The following SGSM3 variants were observed in gnomAD, a reference collection of about 807,000 sequenced individuals.
SGSM3 encodes the protein RUN and SH3 containing 3.
A neutral mutation model predicts 100.5 loss-of-function variants in SGSM3; 96 were observed. That is an observed-to-expected ratio of 0.96 (90% confidence interval 0.81 to 1.13). The LOEUF is 1.13. SGSM3 is among the 50% of genes most tolerant of loss of function. The pLI, the probability that SGSM3 is intolerant of heterozygous loss-of-function variation, is 0.00. For synonymous variants in SGSM3, 483 were observed against 422.8 expected, an observed-to-expected ratio of 1.14 and a Z score of -1.75; for missense variants, 1,001 against 1,015.8, an observed-to-expected ratio of 0.99 and a Z score of 0.20.
intron 1 of SGSM3, chr22:40,387,580 A>G (rs1335596089): frequency 5.6e-6 from 1 of 180,078 alleles, no homozygotes; most frequent in African/African-American, 2.3e-5. Context: ...TATTTTCCTC[A>G]AAAACTCTTG....
At position 40,405,224 on chromosome 22, in the gene SGSM3, G is replaced by A. The variant is rs372160917; in HGVS notation, c.558G>A (p.Arg186=). The change falls in exon 7 of 22, where the codon AGG becomes AGA. Residue 186 remains arginine (R), a synonymous_variant. Transcript: ENST00000248929. ...MGSIGVPRLR[R]VLRALAWLYP... ...GCATCGGGGTGCCCCGCCTGCGCAG[G>A]GTGCTCCGGGCCCTGGCCTGGCTCT... 1.6e-4 allele frequency: 255 copies of A among 1,579,894 alleles called. No homozygotes were observed. Among genetic ancestry groups the A allele is most frequent in the Non-Finnish European group, 2.1e-4 (246 of 1,162,344 alleles).
intron 1 of SGSM3, among the ~76,000 whole-genome samples, chr22:40,371,175 G>T (rs2045386743): frequency 6.6e-6 from 1 of 152,200 alleles, no homozygotes; most frequent in Non-Finnish European, 1.5e-5. Flanking sequence ...TCGGAACACC[G>T]GTGTGTTTGC....
intron 15 of SGSM3, 44 bp from the exon 16 acceptor site, chr22:40,408,233 G>A (rs1306030734): frequency 3.1e-6 from 5 of 1,609,008 alleles, no homozygotes; most frequent in African/African-American, 1.3e-5. Flanking sequence ...GTGACTGGCT[G>A]CAGGCGTCAG....
chr22:40,403,107 G>A (rs2050969598), intron 4 of SGSM3, among the ~76,000 whole-genome samples: 1 of 152,262 alleles, frequency 6.6e-6, no homozygotes, highest in African/African-American at 2.4e-5. Flanking sequence ...GGTCAGTGGA[G>A]TCAGAGTGTT....
chr22:40,394,546 T>C (rs1212796467), intron 1 of SGSM3, among the ~76,000 whole-genome samples: 3 of 150,418 alleles, frequency 2.0e-5, no homozygotes, highest in East Asian at 3.9e-4. Flanking sequence ...CTTGGGAGGC[T>C]GAGGCAGGAA....
Position 40,395,721 on chromosome 22 carries a change from A to C in SGSM3, c.-111-4975A>C, listed in dbSNP as rs146467511. On this transcript the variant is annotated intron_variant, in intron 1 of 21. Transcript: ENST00000248929. ...GAAATGGCATCATCATAAGCCCAGG[A>C]GTACAGACTGGAAACCTAGGCCTTG... Among the ~76,000 whole-genome samples, 26 of 152,292 alleles carry C rather than the reference A, an allele frequency of 1.7e-4. No homozygotes were observed. In the East Asian group the frequency reaches 3.7e-3, roughly 21 times the overall value.
Position 40,407,636 on chromosome 22 carries a change from C to G in SGSM3, c.1524+68C>G. On this transcript the variant is annotated intron_variant, in intron 13 of 21. Coordinates refer to ENST00000248929, the MANE Select transcript of SGSM3 (RefSeq NM_015705.6). The surrounding 1 kb of genome is among the most constrained non-coding windows in gnomAD (Gnocchi z 4.7). The stretch of plus-strand genomic sequence containing the variant: ...GGTTCCCCAGACTCCCTCCACCAAG[C>G]CCCACCCCAACCCCTTTCCCTGCCA... The G allele has an allele frequency of 6.3e-7, 1 of 1,578,492 alleles. No individual in the cohort carries two copies. Among genetic ancestry groups the G allele is most frequent in the East Asian group, 2.3e-5 (1 of 44,274 alleles).
Position 40,407,472 on chromosome 22 carries a change from G to A in SGSM3, c.1428G>A (p.Ala476=), listed in dbSNP as rs144704559. 96 of 1,612,144 alleles carry A rather than the reference G, an allele frequency of 6.0e-5. No individual in the cohort carries two copies. Among genetic ancestry groups the A allele is most frequent in the Middle Eastern group, 4.9e-4 (3 of 6,062 alleles). ...SHQRDHENYV[A]CSRSHRRRAK... ...AGCGGGACCACGAGAACTACGTGGCGTGCTCACGCAGCCACCGGCGCCGAG... is the reference window on the plus strand; with the variant it reads ...AGCGGGACCACGAGAACTACGTGGCATGCTCACGCAGCCACCGGCGCCGAG... The change falls in exon 13 of 22, where the codon GCG becomes GCA. Residue 476 remains alanine, a synonymous_variant. Coordinates refer to ENST00000248929, the MANE Select transcript of SGSM3 (RefSeq NM_015705.6). This position sits in a 1 kb window ranked among gnomAD's most constrained non-coding sequence, Gnocchi z 4.7.
At chr22:40,405,533 C>T (rs896537149) in intron 7 of SGSM3, 116 bp from the exon 8 acceptor site, 30 of 1,013,174 alleles carry the variant, frequency 3.0e-5, no homozygotes, top group African/African-American at 8.1e-5. Flanking sequence ...GGCCTGGGTT[C>T]CAGCATGCGT....
chr22:40,405,525 C>A, intron 7 of SGSM3, 124 bp from the exon 8 acceptor site: 1 of 972,816 alleles, frequency 1.0e-6, no homozygotes, highest in Non-Finnish European at 1.5e-6. Context: ...CCAGGGAAGG[C>A]CTGGGTTCCA....
chr22:40,404,168 C>A, intron 4 of SGSM3, 79 bp from the exon 5 acceptor site: 1 of 1,263,762 alleles, frequency 7.9e-7, no homozygotes, highest in Non-Finnish European at 1.1e-6. Context: ...TCAGACCCTC[C>A]TGAAGACGGA....
chr22:40,395,573 C>T (rs754224280), intron 1 of SGSM3, among the ~76,000 whole-genome samples: 2 of 152,156 alleles, frequency 1.3e-5, no homozygotes, highest in Non-Finnish European at 2.9e-5. Context: ...CTGCCCATCT[C>T]GGGCTCCCAA....
At chr22:40,371,624 A>T (rs1375169143) in intron 1 of SGSM3, among the ~76,000 whole-genome samples, 5 of 151,684 alleles carry the variant, frequency 3.3e-5, no homozygotes, top group Admixed American at 1.3e-4. Flanking sequence ...CTGCACTCTA[A>T]ACAGTTGAAT....
Position 40,407,757 on chromosome 22 carries a change from C to G in SGSM3, c.1525-32C>G, listed in dbSNP as rs750418914. The G allele has an allele frequency of 2.5e-6, 4 of 1,613,448 alleles. No homozygotes were observed. In the African/African-American group the frequency reaches 5.3e-5, roughly 22 times the overall value. ...GGAGGCGCTGGCCCAGGGCACCCAG[C>G]TTTGGTTCCTGCTGTTTTTCCTCCT... On this transcript the variant is annotated intron_variant, in intron 13 of 21. Transcript: ENST00000248929. The surrounding 1 kb of genome is among the most constrained non-coding windows in gnomAD (Gnocchi z 4.7).
chr22:40,403,330 G>A (rs1045697876), intron 4 of SGSM3, among the ~76,000 whole-genome samples: 1 of 152,182 alleles, frequency 6.6e-6, no homozygotes, highest in Non-Finnish European at 1.5e-5. Flanking sequence ...GGCTGCCACA[G>A]GAGAGCTTGA....
Position 40,406,031 on chromosome 22 carries a change from G to C in SGSM3, c.815-47G>C. 1.9e-6 allele frequency: 3 copies of C among 1,598,228 alleles called. No individual in the cohort carries two copies. The South Asian group carries it at 3.3e-5, about 18-fold the overall frequency. On this transcript the variant is annotated intron_variant, in intron 8 of 21. Transcript: ENST00000248929. ...ACCTTGCTGCAGTTCCGGGGAGGGA[G>C]GTTTCCACCACCTCCTCCCCAGCGG...
intron 1 of SGSM3, among the ~76,000 whole-genome samples, chr22:40,388,849 C>T (rs1390421127): frequency 6.6e-6 from 1 of 152,074 alleles, no homozygotes; most frequent in Non-Finnish European, 1.5e-5. Context: ...CAAGTCCTGC[C>T]TGGAGAGAGT....
chr22:40,408,887 TAGCCTGTGGGGG>T (rs1465389201), intron 18 of SGSM3, 34 bp from the exon 19 acceptor site: 2 of 1,613,806 alleles, frequency 1.2e-6, no homozygotes, highest in African/African-American at 1.3e-5. Context: ...TCTCTGGGGT[TAGCCTGTGGGGG>T]AGCCTGAGTG....
intron 1 of SGSM3, among the ~76,000 whole-genome samples, chr22:40,391,555 G>A (rs1364173522): frequency 6.6e-6 from 1 of 152,168 alleles, no homozygotes; most frequent in Non-Finnish European, 1.5e-5. Flanking sequence ...AGGCTGCAGT[G>A]AGCTCTGATC....
Sources: gnomAD v4.1 joint callset for allele counts (sites outside exome capture counted in the v4.1 genomes callset) on GRCh38, gnomAD v4.1.1 for gene constraint, Gnocchi (gnomAD v3.1) non-coding constraint, MANE v1.5 for transcripts, NCBI Gene and HGNC (gene_info 2026-07-23, HGNC 2026-07-21) for gene names.